DBNL: variants seen among roughly 807,000 people sequenced by gnomAD.
DBNL encodes drebrin-like protein.
Under a neutral mutation model 62.2 loss-of-function variants are expected in DBNL, and 35 were observed. The ratio of observed to expected loss-of-function variants is 0.56; its 90% CI spans 0.43 to 0.75. The LOEUF is 0.75. Ranked by LOEUF, DBNL falls within the 30% of genes least tolerant of loss-of-function variation. The pLI is 0.00. For synonymous variants in DBNL, 197 were observed against 218.0 expected (o/e 0.90, Z 0.85); for missense variants, 495 against 578.4 (o/e 0.86, Z 1.48).
rs1010119113 is a variant in DBNL, at chr7:44,069,023, G to A, written c.*8107G>A. Reference sequence around the variant, plus strand: ...TAGTTTTGAAATAACTGTCACCCAAGAATTCTATATCCAGTAAAAATTTCT... The same window carrying A: ...TAGTTTTGAAATAACTGTCACCCAAAAATTCTATATCCAGTAAAAATTTCT... On this transcript the variant is annotated 3_prime_UTR_variant, in exon 13 of 13. Coordinates refer to ENST00000448521, the MANE Select transcript of DBNL (RefSeq NM_001014436.3). 2.0e-5 allele frequency: 3 copies of A among 151,836 alleles called. No homozygotes were observed. Among genetic ancestry groups the A allele is most frequent in the African/African-American group, 4.8e-5 (2 of 41,296 alleles). The allele number at this position is 151,836 out of a possible 1,614,324, so 9.4% of individuals were successfully genotyped here. A position where few individuals can be genotyped will look rare whatever the true frequency, so the allele number is the denominator to read the frequency against.
chr7:44,062,426 C>T lies in DBNL; in HGVS notation c.*1510C>T, dbSNP rs1014981095. 6 of 367,076 alleles carry T rather than the reference C, an allele frequency of 1.6e-5. No individual in the cohort carries two copies. The highest frequency in any genetic ancestry group is 2.6e-5 in the Non-Finnish European group (5 of 190,082). The allele number at this position is 367,076 out of a possible 1,614,324, so 22.7% of individuals were successfully genotyped here. A position where few individuals can be genotyped will look rare whatever the true frequency, so the allele number is the denominator to read the frequency against. On this transcript the variant is annotated 3_prime_UTR_variant, in exon 13 of 13. Transcript: ENST00000448521. ...GTCCTGGGCTGTGGTCCTTGCTCCC[C>T]ATGGGGAGAGCTGGGTCACTTGGCC... is the stretch of plus-strand genomic sequence containing the variant.
In DBNL at chr7:44,069,222, A is replaced by T. The variant is rs1362688377; in HGVS notation, c.*8306A>T. 1 of 152,260 alleles carries T rather than the reference A, an allele frequency of 6.6e-6. No homozygotes were observed. The highest frequency in any genetic ancestry group is 1.9e-4 in the East Asian group (1 of 5,200). The allele number at this position is 152,260 out of a possible 1,614,324, so 9.4% of individuals were successfully genotyped here. On this transcript the variant is annotated 3_prime_UTR_variant, in exon 13 of 13. Transcript: ENST00000448521. ...ATGCAGGAAGAACATCATAAATGGC[A>T]AAAGTCCACATAAATATGAAACTAT...
At chr7:44,050,025 G>C in intron 1 of DBNL, 200 bp from the exon 2 acceptor site, 1 of 530,940 alleles carries the variant, frequency 1.9e-6, no homozygotes, top group Non-Finnish European at 3.5e-6. Flanking sequence ...CCTCCCAGCT[G>C]CAGAGCTGAG....
rs755738521 is a variant in DBNL, at chr7:44,060,015, G to C, written c.1048-33G>C. ...AGCAGCGATTGTGTGTAAGGGCTGA[G>C]TCTGGGGTAACACCTTTGTCATCCC... On this transcript the variant is annotated intron_variant, in intron 11 of 12. Coordinates refer to ENST00000448521, the MANE Select transcript of DBNL (RefSeq NM_001014436.3). This position sits in a 1 kb window ranked among gnomAD's most constrained non-coding sequence, Gnocchi z 6.3. 5.6e-6 allele frequency: 9 copies of C among 1,599,564 alleles called. No individual in the cohort carries two copies. In the Middle Eastern group the frequency reaches 6.6e-4, roughly 118 times the overall value.
At chr7:44,047,713 G>T (rs952568277) in intron 1 of DBNL, among the ~76,000 whole-genome samples, 5 of 152,104 alleles carry the variant, frequency 3.3e-5, no homozygotes, top group Non-Finnish European at 7.4e-5. Flanking sequence ...ATGCCTTGCT[G>T]TTCAGAGGCC....
In DBNL at chr7:44,058,154, A is replaced by G. The variant is rs962005267; in HGVS notation, c.578A>G (p.Glu193Gly). 2 of 1,558,960 alleles carry G rather than the reference A, an allele frequency of 1.3e-6. No individual in the cohort carries two copies. Among genetic ancestry groups the G allele is most frequent in the Non-Finnish European group, 1.7e-6 (2 of 1,151,806 alleles). ...AAGGAGGAGGAGAACCGTCGGCTGG[A>G]GGAAAAGCGGCGGGCCGAGGAGGCA... ...AEKEEENRRL[E>G]EKRRAEEAQR... The change falls in exon 7 of 13, where the codon GAG becomes GGG. Residue 193 changes from glutamate (E) to glycine (G), a missense_variant. By Grantham distance (98) the Glu-to-Gly change is moderately conservative. Coordinates refer to ENST00000448521, the MANE Select transcript of DBNL (RefSeq NM_001014436.3).
At chr7:44,052,785 C>T (rs2096128891) in intron 3 of DBNL, 82 bp from the exon 4 acceptor site, 3 of 1,536,124 alleles carry the variant, frequency 2.0e-6, no homozygotes, top group Non-Finnish European at 2.7e-6. Flanking sequence ...TTTTCTGGGA[C>T]ACAGGGTAGA....
Position 44,066,995 on chromosome 7 carries a change from T to G in DBNL, c.*6079T>G, listed in dbSNP as rs192780266. 6.6e-6 allele frequency: 1 copy of G among 152,174 alleles called. No homozygotes were observed. Among genetic ancestry groups the G allele is most frequent in the African/African-American group, 2.4e-5 (1 of 41,358 alleles). 9.4% of individuals were successfully genotyped at this position (152,174 alleles called of 1,614,324 possible). On this transcript the variant is annotated 3_prime_UTR_variant, in exon 13 of 13. Transcript: ENST00000448521. ...GCCAGACATGAAGCCCATATTTCAG[T>G]GGAGGAGGGATCGTACCAGCAGCTA...
intron 4 of DBNL, among the ~76,000 whole-genome samples, chr7:44,054,803 C>T (rs2096133184): frequency 1.3e-5 from 2 of 152,150 alleles, no homozygotes; most frequent in African/African-American, 2.4e-5. Flanking sequence ...ATGCCCTTCC[C>T]AACCCCTGGT....
Position 44,058,480 on chromosome 7 carries a change from G to A in DBNL, c.753G>A (p.Gln251=). 1 of 1,614,160 alleles carries A rather than the reference G, an allele frequency of 6.2e-7. No homozygotes were observed. Among genetic ancestry groups the A allele is most frequent in the Non-Finnish European group, 8.5e-7 (1 of 1,180,014 alleles). ...TGGTTTCAAGGAACCGAAATGAGCA[G>A]GTAAGATGGGGGTGCTCTACTTGTT... ...QEVVSRNRNE[Q]ESAVHPREIF... The change falls in exon 8 of 13, where the codon CAG becomes CAA. Residue 251 remains glutamine, a splice_region_variant and synonymous_variant. Coordinates refer to ENST00000448521, the MANE Select transcript of DBNL (RefSeq NM_001014436.3).
rs531767708 is a variant in DBNL at position 44,045,835 on chromosome 7, G to A, written c.83+1015G>A. On this transcript the variant is annotated intron_variant, in intron 1 of 12. Transcript: ENST00000448521. ...TTTCCTCAGCCCTGGGCCATTAGGGGAAGAGCTTTAGAACACCAGTTGCTT... is the reference window on the plus strand; with the variant it reads ...TTTCCTCAGCCCTGGGCCATTAGGGAAAGAGCTTTAGAACACCAGTTGCTT... Among the ~76,000 whole-genome samples the A allele has an allele frequency of 5.3e-5, 8 of 152,338 alleles. No homozygotes were observed. The South Asian group carries it at 1.0e-3, about 20-fold the overall frequency.
rs2096147980 is a variant in DBNL, at chr7:44,061,009, G to A, written c.*93G>A. ...GGAGTTGACATTCAGCACTCTTCCAGGAATAGGACCCCCAGTGAGGATGAG... is the reference window on the plus strand; with the variant it reads ...GGAGTTGACATTCAGCACTCTTCCAAGAATAGGACCCCCAGTGAGGATGAG... On this transcript the variant is annotated 3_prime_UTR_variant, in exon 13 of 13. Coordinates refer to ENST00000448521, the MANE Select transcript of DBNL (RefSeq NM_001014436.3). 2 of 1,492,256 alleles carry A rather than the reference G, an allele frequency of 1.3e-6. No homozygotes were observed. The highest frequency in any genetic ancestry group is 4.3e-5 in the Admixed American group (2 of 46,722). The allele number at this position is 1,492,256 out of a possible 1,614,324, so 92.4% of individuals were successfully genotyped here. A position where few individuals can be genotyped will look rare whatever the true frequency, so the allele number is the denominator to read the frequency against.
intron 1 of DBNL, among the ~76,000 whole-genome samples, chr7:44,048,120 G>C (rs763351526): frequency 4.6e-5 from 7 of 152,112 alleles, no homozygotes; most frequent in Admixed American, 6.5e-5. Flanking sequence ...TTCCCATGTT[G>C]GCCAGGCTGG....
rs75805894 is a variant in DBNL at position 44,050,332 on chromosome 7, G to A, written c.139+52G>A. ...GGACACCAGGAGGTAGGAGGGTGACGACGAGGGGTCAGCGCACTCAGCTGT... is the reference window on the plus strand; with the variant it reads ...GGACACCAGGAGGTAGGAGGGTGACAACGAGGGGTCAGCGCACTCAGCTGT... On this transcript the variant is annotated intron_variant, in intron 2 of 12. Coordinates refer to ENST00000448521, the MANE Select transcript of DBNL (RefSeq NM_001014436.3). 3,097 of 1,596,066 alleles carry A rather than the reference G, an allele frequency of 1.9e-3. 66 individuals carry two copies. In the African/African-American group the frequency reaches 0.037, roughly 19 times the overall value.
rs2096129223 is a variant in DBNL, at chr7:44,052,942, G to T, written c.327+1G>T. The T allele has an allele frequency of 1.9e-6, 3 of 1,612,258 alleles. No homozygotes were observed. Among genetic ancestry groups the T allele is most frequent in the Non-Finnish European group, 2.5e-6 (3 of 1,179,724 alleles). On this transcript the variant is annotated splice_donor_variant, in intron 4 of 12. Coordinates refer to ENST00000448521, the MANE Select transcript of DBNL (RefSeq NM_001014436.3). LOFTEE classifies it high-confidence loss of function. ...CAGCACCATGGCCAGCTTCCTGAAG[G>T]TAAGGCCAGGTGAGGCCCGCTTCAC...
Position 44,067,503 on chromosome 7 carries a change from G to T in DBNL, c.*6587G>T, listed in dbSNP as rs2096162208. 1 of 152,226 alleles carries T rather than the reference G, an allele frequency of 6.6e-6. No homozygotes were observed. The highest frequency in any genetic ancestry group is 1.5e-5 in the Non-Finnish European group (1 of 68,030). The allele number at this position is 152,226 out of a possible 1,614,324, so 9.4% of individuals were successfully genotyped here. On this transcript the variant is annotated 3_prime_UTR_variant, in exon 13 of 13. Transcript: ENST00000448521. ...CAAGCAGGAGGTGTCAAAAAGGAAA[G>T]GGGAGCCCAAAGAAGGGCTGGACTT...
chr7:44,053,661 T>A (rs1006717509), intron 4 of DBNL, among the ~76,000 whole-genome samples: 5 of 152,062 alleles, frequency 3.3e-5, no homozygotes, highest in Admixed American at 3.3e-4. Context: ...AAATCCGAAA[T>A]TCTCCAGAAT....
At chr7:44,047,566 T>C (rs2096119487) in intron 1 of DBNL, among the ~76,000 whole-genome samples, 1 of 152,232 alleles carries the variant, frequency 6.6e-6, no homozygotes, top group Non-Finnish European at 1.5e-5. Flanking sequence ...GTGTTTTTTC[T>C]TCCGTTAGAA....
At position 44,051,861 on chromosome 7, in the gene DBNL, C is replaced by T; in HGVS notation, c.171C>T (p.Leu57=). 1 of 1,614,098 alleles carries T rather than the reference C, an allele frequency of 6.2e-7. No individual in the cohort carries two copies. Among genetic ancestry groups the T allele is most frequent in the Admixed American group, 1.7e-5 (1 of 60,010 alleles). The change falls in exon 3 of 13, where the codon CTC becomes CTT. Residue 57 remains leucine (L), a synonymous_variant. Coordinates refer to ENST00000448521, the MANE Select transcript of DBNL (RefSeq NM_001014436.3). ...EGGLEEMVEE[L]NSGKVMYAFC... is the part of the protein sequence containing the mutation. ...GCCTGGAGGAGATGGTGGAGGAGCT[C>T]AACAGCGGGAAGGTGATGTACGCCT...
Sources: allele counts gnomAD v4.1 joint callset (sites outside exome capture counted in the v4.1 genomes callset), GRCh38; gene constraint gnomAD v4.1.1; non-coding constraint Gnocchi (gnomAD v3.1); transcripts MANE v1.5; gene names NCBI Gene and HGNC (gene_info 2026-07-23, HGNC 2026-07-21).